The following MACROD2 variants were observed in gnomAD, a reference collection of about 807,000 sequenced individuals.
MACROD2 encodes mono-ADP ribosylhydrolase 2.
Under a neutral mutation model 70.4 loss-of-function variants are expected in MACROD2, and 36 were observed. That is an observed-to-expected ratio of 0.51 (90% CI 0.39 to 0.68). MACROD2 has a LOEUF of 0.68. Among genes scored for constraint, MACROD2 ranks in the 30% least tolerant of loss-of-function variants. MACROD2 has a pLI of 0.00. For missense variants in MACROD2, 496 were observed against 538.4 expected (o/e 0.92, Z 0.78); for synonymous variants, 172 against 178.8 (o/e 0.96, Z 0.30).
At chr20:15,324,016 C>T (rs185161167) in intron 6 of MACROD2, among the ~76,000 whole-genome samples, 19 of 152,076 alleles carry the variant, frequency 1.2e-4, no homozygotes, top group Admixed American at 2.0e-4. Context: ...TGTGCTTCTT[C>T]TGTTCAATGT....
At chr20:15,366,841 C>G (rs1325287726) in intron 6 of MACROD2, among the ~76,000 whole-genome samples, 3 of 151,976 alleles carry the variant, frequency 2.0e-5, no homozygotes, top group Non-Finnish European at 4.4e-5. Flanking sequence ...CATGAGCCAC[C>G]ATGCCCAGCC....
chr20:14,804,410 T>G (rs1156992132), intron 5 of MACROD2, among the ~76,000 whole-genome samples: 1 of 151,996 alleles, frequency 6.6e-6, no homozygotes, highest in Non-Finnish European at 1.5e-5. Context: ...GAGCAGATGG[T>G]TTTCTCAGCA....
intron 3 of MACROD2, among the ~76,000 whole-genome samples, chr20:14,330,437 C>A (rs1418949236): frequency 2.0e-5 from 3 of 152,034 alleles, no homozygotes; most frequent in African/African-American, 7.2e-5. Context: ...CCCACAGTTG[C>A]TATCTAACAT....
chr20:14,158,225 T>A (rs1337043478), intron 3 of MACROD2, among the ~76,000 whole-genome samples: 1 of 152,196 alleles, frequency 6.6e-6, no homozygotes, highest in Non-Finnish European at 1.5e-5. Flanking sequence ...TTGTATGTCT[T>A]CTTTTGAGAA....
chr20:15,320,416 T>G (rs917229787), intron 6 of MACROD2, among the ~76,000 whole-genome samples: 2 of 152,202 alleles, frequency 1.3e-5, no homozygotes, highest in African/African-American at 2.4e-5. Context: ...CTTGAATTTA[T>G]CTGAATTGAT....
intron 7 of MACROD2, among the ~76,000 whole-genome samples, chr20:15,476,839 G>A (rs1361336749): frequency 6.6e-6 from 1 of 152,178 alleles, no homozygotes; most frequent in African/African-American, 2.4e-5. Flanking sequence ...CTTGAAAAAT[G>A]TTTGATAAAT....
At chr20:14,364,009 T>C (rs1479255616) in intron 3 of MACROD2, among the ~76,000 whole-genome samples, 1 of 152,012 alleles carries the variant, frequency 6.6e-6, no homozygotes, top group Non-Finnish European at 1.5e-5. Flanking sequence ...CTAATTACCA[T>C]AAATCCGAAC....
chr20:14,453,986 T>G (rs900977096), intron 3 of MACROD2, among the ~76,000 whole-genome samples: 4 of 151,956 alleles, frequency 2.6e-5, no homozygotes, highest in Non-Finnish European at 5.9e-5. Flanking sequence ...TTTCAATGCA[T>G]ATCACCAAAT....
In MACROD2 at chr20:16,021,751, G is replaced by A. The variant is rs73109696; in HGVS notation, c.1154-19450G>A. Among the ~76,000 whole-genome samples the A allele has an allele frequency of 5.4e-3, 816 of 152,220 alleles. 2 individuals carry two copies. Among genetic ancestry groups the A allele is most frequent in the Non-Finnish European group, 8.6e-3 (586 of 68,014 alleles). On this transcript the variant is annotated intron_variant, in intron 15 of 17. Coordinates refer to ENST00000684519, the MANE Select transcript of MACROD2 (RefSeq NM_001351661.2). Reference sequence around the variant, plus strand: ...GCAATGAGGTTAAATAACATGCCCAGAATCACTCGGCCAATAAGTCGGAGA... The same window carrying A: ...GCAATGAGGTTAAATAACATGCCCAAAATCACTCGGCCAATAAGTCGGAGA...
chr20:15,967,402 A>G (rs2066156599), intron 12 of MACROD2, 151 bp from the exon 13 acceptor site: 1 of 586,816 alleles, frequency 1.7e-6, no homozygotes, highest in Non-Finnish European at 2.8e-6. Flanking sequence ...AAAAGCGCCT[A>G]TTTATTGGCA....
At chr20:15,468,945 G>A (rs1328878045) in intron 7 of MACROD2, among the ~76,000 whole-genome samples, 1 of 152,150 alleles carries the variant, frequency 6.6e-6, no homozygotes, top group Non-Finnish European at 1.5e-5. Flanking sequence ...CACTTTGCAA[G>A]ACCTCCAAGA....
At chr20:15,764,428 A>G (rs1295178140) in intron 8 of MACROD2, among the ~76,000 whole-genome samples, 2 of 152,140 alleles carry the variant, frequency 1.3e-5, no homozygotes, top group African/African-American at 4.8e-5. Context: ...TTAACTGTCT[A>G]AAAGGAACTC....
chr20:15,018,732 G>T (rs550540739), intron 5 of MACROD2, among the ~76,000 whole-genome samples: 1 of 152,194 alleles, frequency 6.6e-6, no homozygotes, highest in East Asian at 1.9e-4. Context: ...TGATTAGATG[G>T]TGCACACCAG....
chr20:14,580,759 C>A (rs1293392511), intron 4 of MACROD2, among the ~76,000 whole-genome samples: 1 of 152,194 alleles, frequency 6.6e-6, no homozygotes, highest in African/African-American at 2.4e-5. Flanking sequence ...CAAGTTTGTG[C>A]CAAACACTTC....
At chr20:15,610,063 G>A (rs1333539109) in intron 8 of MACROD2, among the ~76,000 whole-genome samples, 1 of 152,184 alleles carries the variant, frequency 6.6e-6, no homozygotes, top group Non-Finnish European at 1.5e-5. Flanking sequence ...CTGAAGCACA[G>A]TACAAATACT....
At chr20:14,381,694 T>A (rs987020989) in intron 3 of MACROD2, among the ~76,000 whole-genome samples, 1 of 152,210 alleles carries the variant, frequency 6.6e-6, no homozygotes, top group African/African-American at 2.4e-5. Context: ...AGAATATGTG[T>A]GCTTATCCCT....
In MACROD2 at chr20:15,076,888, A is replaced by G. The variant is rs561114149; in HGVS notation, c.419-153052A>G. Among the ~76,000 whole-genome samples the G allele has an allele frequency of 2.6e-5, 4 of 152,306 alleles. No homozygotes were observed. The South Asian group carries it at 6.2e-4, about 24-fold the overall frequency. On this transcript the variant is annotated intron_variant, in intron 5 of 17. Coordinates refer to ENST00000684519, the MANE Select transcript of MACROD2 (RefSeq NM_001351661.2). ...ATGAATGAATTAGTGAATGAATGCA[A>G]TGAATGAGAATGCAATATCTGGTAG... is the stretch of plus-strand genomic sequence containing the variant.
intron 7 of MACROD2, among the ~76,000 whole-genome samples, chr20:15,440,476 GT>G (rs1329322779): frequency 4.6e-5 from 7 of 152,180 alleles, no homozygotes; most frequent in Non-Finnish European, 1.0e-4. Flanking sequence ...TTGCATTCAA[GT>G]TTGCTCTGCT....
chr20:15,465,958 A>G (rs1459863992), intron 7 of MACROD2, among the ~76,000 whole-genome samples: 2 of 152,212 alleles, frequency 1.3e-5, no homozygotes, highest in African/African-American at 2.4e-5. Flanking sequence ...CAAGTAACAC[A>G]TGGCTCCAGC....
Sources: gnomAD v4.1 joint callset for allele counts (sites outside exome capture counted in the v4.1 genomes callset) on GRCh38, gnomAD v4.1.1 for gene constraint, MANE v1.5 for transcripts, NCBI Gene and HGNC (gene_info 2026-07-23, HGNC 2026-07-21) for gene names.